The following FBXO47 variants were observed in gnomAD, a reference collection of about 807,000 sequenced individuals.
The protein encoded by FBXO47 is F-box only protein 47.
Under a neutral mutation model 53.9 loss-of-function variants are expected in FBXO47, and 34 were observed. The ratio of observed to expected loss-of-function variants is 0.63; its 90% CI spans 0.48 to 0.84. The LOEUF (loss-of-function observed/expected upper bound fraction) is 0.84, where lower values mean the gene tolerates loss of function less well. Ranked by LOEUF, FBXO47 falls within the 40% of genes least tolerant of loss-of-function variation. The probability of loss-of-function intolerance (pLI) is 0.00; values close to 1 mark genes in which losing one functional copy is unlikely to be tolerated. For missense variants in FBXO47, 485 were observed against 541.3 expected (o/e 0.90, Z 1.03); for synonymous variants, 165 against 181.6 (o/e 0.91, Z 0.73).
rs757817554 is a variant in FBXO47 at position 38,943,742 on chromosome 17, T to C, written c.794-6A>G. On this transcript the variant is annotated splice_region_variant and splice_polypyrimidine_tract_variant and intron_variant, in intron 7 of 10. Coordinates refer to ENST00000378079, the MANE Select transcript of FBXO47 (RefSeq NM_001008777.3). ...TTCCTGCCAAACCACCTGTCCTGAA[T>C]TGAAACAAAAACGAGGCTATGACAG... 6 of 1,597,194 alleles carry C rather than the reference T, an allele frequency of 3.8e-6. No individual in the cohort carries two copies. The African/African-American group carries it at 4.1e-5, about 11-fold the overall frequency.
chr17:38,953,296 G>A (rs990306020), intron 5 of FBXO47, among the ~76,000 whole-genome samples: 3 of 151,634 alleles, frequency 2.0e-5, no homozygotes, highest in African/African-American at 4.9e-5. Flanking sequence ...TCCAGCCTGG[G>A]TGACAGAGCA....
chr17:38,944,000 T>G (rs1274292415), intron 7 of FBXO47, among the ~76,000 whole-genome samples: 1 of 151,714 alleles, frequency 6.6e-6, no homozygotes. Context: ...GAGACCAGCC[T>G]GTGAAACCCT....
rs1456759491 is a variant in FBXO47 at position 38,943,595 on chromosome 17, A to G, written c.935T>C (p.Leu312Pro). 2 of 1,551,586 alleles carry G rather than the reference A, an allele frequency of 1.3e-6. No homozygotes were observed. Among genetic ancestry groups the G allele is most frequent in the Non-Finnish European group, 1.7e-6 (2 of 1,153,126 alleles). The part of the protein sequence containing the change: ...ADDVISLVDE[L>P]SVVPREWLLE... The stretch of plus-strand genomic sequence containing the variant: ...TTAGTAAATATATTTTTTACCTGAT[A>G]GTTCATCTACAAGACTGATAACATC... Residue 312 changes from leucine to proline, a missense_variant, in exon 8 of 11, where the codon CTA becomes CCA. By Grantham distance (98) the Leu-to-Pro change is moderately conservative. Coordinates refer to ENST00000378079, the MANE Select transcript of FBXO47 (RefSeq NM_001008777.3).
In FBXO47 at chr17:38,954,875, C is replaced by A; in HGVS notation, c.488G>T (p.Cys163Phe). The change falls in exon 5 of 11, where the codon TGT becomes TTT. Residue 163 changes from cysteine (C) to phenylalanine (F), a missense_variant. By Grantham distance (205) the Cys-to-Phe change is radical (BLOSUM62 -2). Transcript: ENST00000378079. ...ATGTACCTGTAAAAACATGCCATAA[C>A]ATGTTAATCCTAAACACTGCATAGG... is the stretch of plus-strand genomic sequence containing the variant. ...AAPMQCLGLT[C>F]YGMFLQTLTA... is the part of the protein sequence containing the mutation. 1.2e-6 allele frequency: 2 copies of A among 1,606,138 alleles called. No homozygotes were observed. Among genetic ancestry groups the A allele is most frequent in the South Asian group, 1.1e-5 (1 of 89,130 alleles).
In FBXO47 at chr17:38,947,049, A is replaced by AAACATATACAAATATATGTAAATATATAT. The variant is rs1567717642; in HGVS notation, c.617-1914_617-1913insATATATATTTACATATATTTGTATATGTT. 6.0e-5 allele frequency among the ~76,000 whole-genome samples: 8 copies of AAACATATACAAATATATGTAAATATATAT among 133,818 alleles called. 1 individual carries two copies. The highest frequency in any genetic ancestry group is 2.3e-4 in the African/African-American group (8 of 34,174). 87.8% of individuals were successfully genotyped at this position (133,818 alleles called of 152,430 possible). A position where few individuals can be genotyped will look rare whatever the true frequency, so the allele number is the denominator to read the frequency against. On this transcript the variant is annotated intron_variant, in intron 6 of 10. Coordinates refer to ENST00000378079, the MANE Select transcript of FBXO47 (RefSeq NM_001008777.3). The stretch of plus-strand genomic sequence containing the variant: ...ATATACAAATATATGTAAATATATA[A>AAACATATACAAATATATGTAAATATATAT]AAACATATATAAATATATATAAACA...
chr17:38,965,512 T>C (rs1906058300), intron 1 of FBXO47, among the ~76,000 whole-genome samples: 1 of 151,956 alleles, frequency 6.6e-6, no homozygotes, highest in South Asian at 2.1e-4. Flanking sequence ...TTTGAAACCA[T>C]ACCACAGCGA....
rs929087332 is a variant in FBXO47, at chr17:38,937,024, G to A, written c.*151C>T. 9 of 442,786 alleles carry A rather than the reference G, an allele frequency of 2.0e-5. No homozygotes were observed. The highest frequency in any genetic ancestry group is 4.2e-5 in the Admixed American group (1 of 24,062). 27.4% of individuals were successfully genotyped at this position (442,786 alleles called of 1,614,324 possible). ...TATTTTTATATTAATAATGATGTAC[G>A]TAGTTGCTTCTAAAATTCTATCCAG... On this transcript the variant is annotated 3_prime_UTR_variant, in exon 11 of 11. Transcript: ENST00000378079.
At chr17:38,947,662 C>G (rs1197130708) in intron 6 of FBXO47, among the ~76,000 whole-genome samples, 3 of 152,138 alleles carry the variant, frequency 2.0e-5, no homozygotes, top group African/African-American at 7.2e-5. Context: ...GTAATCCCAG[C>G]ACTTTGGGAG....
rs1393721995 is a variant in FBXO47 at position 38,945,859 on chromosome 17, C to T, written c.617-723G>A. Among the ~76,000 whole-genome samples the T allele has an allele frequency of 2.7e-5, 4 of 147,884 alleles. No individual in the cohort carries two copies. In the Admixed American group the frequency reaches 2.8e-4, roughly 10 times the overall value. ...ACTGAGGCAGGAGAATGGCGTTAAC[C>T]CGGGAGGTGGAGCTTGTAGTGAGCC... On this transcript the variant is annotated intron_variant, in intron 6 of 10. Coordinates refer to ENST00000378079, the MANE Select transcript of FBXO47 (RefSeq NM_001008777.3).
chr17:38,960,098 C>T (rs1394706175), intron 3 of FBXO47, among the ~76,000 whole-genome samples: 5 of 151,962 alleles, frequency 3.3e-5, no homozygotes, highest in South Asian at 2.1e-4. Flanking sequence ...TGAGCCACTG[C>T]GCCCGGCCCA....
chr17:38,949,480 A>T (rs1253487642), intron 6 of FBXO47, among the ~76,000 whole-genome samples: 4 of 151,948 alleles, frequency 2.6e-5, no homozygotes, highest in Non-Finnish European at 4.4e-5. Context: ...CAACAAAACC[A>T]TTCATGCACA....
chr17:38,962,786 G>T, intron 2 of FBXO47, 59 bp downstream of exon 2: 1 of 1,266,110 alleles, frequency 7.9e-7, no homozygotes. Context: ...CTAGTTCTTG[G>T]GAAAAATTAA....
intron 1 of FBXO47, among the ~76,000 whole-genome samples, chr17:38,964,824 T>TC (rs1265047291): frequency 5.3e-5 from 8 of 152,140 alleles, no homozygotes; most frequent in Middle Eastern, 3.2e-3. Flanking sequence ...CTAAATAATT[T>TC]TTTTTTTAGA....
chr17:38,958,002 T>G (rs1323867405), intron 3 of FBXO47, among the ~76,000 whole-genome samples: 1 of 152,100 alleles, frequency 6.6e-6, no homozygotes, highest in East Asian at 1.9e-4. Flanking sequence ...CCCAGCTAAT[T>G]TATGTATTTT....
chr17:38,946,193 A>T (rs559675000), intron 6 of FBXO47, among the ~76,000 whole-genome samples: 4 of 115,008 alleles, frequency 3.5e-5, no homozygotes, highest in Non-Finnish European at 6.4e-5. Context: ...TAAATATATA[A>T]AAATATATAT....
rs1905357493 is a variant in FBXO47, at chr17:38,952,757, T to C, written c.508-1068A>G. ...CTCCCCTAGTTGTCATTTATGATAT[T>C]GCTTATAAATGAGAATGATCCAATT... On this transcript the variant is annotated intron_variant, in intron 5 of 10. Transcript: ENST00000378079. Among the ~76,000 whole-genome samples the C allele has an allele frequency of 2.0e-5, 3 of 151,852 alleles. No individual in the cohort carries two copies. In the South Asian group the frequency reaches 6.2e-4, roughly 31 times the overall value.
In FBXO47 at chr17:38,946,873, CATAT is replaced by C. The variant is rs1249773581; in HGVS notation, c.617-1741_617-1738del. 2.2e-3 allele frequency among the ~76,000 whole-genome samples: 192 copies of C among 87,006 alleles called. 1 individual carries two copies. The highest frequency in any genetic ancestry group is 9.8e-3 in the African/African-American group (183 of 18,710). 57.1% of individuals were successfully genotyped at this position (87,006 alleles called of 152,430 possible). A position where few individuals can be genotyped will look rare whatever the true frequency, so the allele number is the denominator to read the frequency against. On this transcript the variant is annotated intron_variant, in intron 6 of 10. Coordinates refer to ENST00000378079, the MANE Select transcript of FBXO47 (RefSeq NM_001008777.3). ...ATAAAAATATATATAAATATATAAA[CATAT>C]ATATAAATATATATATAAACATATA...
intron 7 of FBXO47, among the ~76,000 whole-genome samples, chr17:38,944,168 CG>C (rs1393298885): frequency 1.4e-5 from 2 of 146,078 alleles, no homozygotes; most frequent in African/African-American, 5.1e-5. Flanking sequence ...GGCAACACAG[CG>C]AGACTCTGTC....
At chr17:38,955,848 C>T (rs1905525234) in intron 4 of FBXO47, among the ~76,000 whole-genome samples, 1 of 148,536 alleles carries the variant, frequency 6.7e-6, no homozygotes, top group African/African-American at 2.5e-5. Context: ...ATCCTAGCTA[C>T]TTGGAAGGCT....
Sources: allele counts gnomAD v4.1 joint callset (sites outside exome capture counted in the v4.1 genomes callset), GRCh38; gene constraint gnomAD v4.1.1; transcripts MANE v1.5; gene names NCBI Gene and HGNC (gene_info 2026-07-23, HGNC 2026-07-21).